The following SUGCT variants were observed in gnomAD, a reference collection of about 807,000 sequenced individuals.
SUGCT encodes succinyl-CoA:glutarate-CoA transferase.
SUGCT carries 41 observed loss-of-function variants against 55.0 expected under a neutral mutation model. The ratio of observed to expected loss-of-function variants is 0.74; its 90% CI spans 0.58 to 0.97. SUGCT has a LOEUF of 0.97. Ranked by LOEUF, SUGCT falls within the 50% of genes least tolerant of loss-of-function variation. The pLI is 0.00. For synonymous variants in SUGCT, 187 were observed against 200.4 expected (o/e 0.93, Z 0.56); for missense variants, 568 against 547.8 (o/e 1.04, Z -0.37).
At chr7:40,644,456 T>G (rs535925408) in intron 12 of SUGCT, among the ~76,000 whole-genome samples, 5 of 152,240 alleles carry the variant, frequency 3.3e-5, no homozygotes, top group Admixed American at 1.3e-4. Flanking sequence ...CATTTCAGCT[T>G]TGATTCACAA....
intron 12 of SUGCT, among the ~76,000 whole-genome samples, chr7:40,693,158 C>T (rs1784771338): frequency 6.6e-6 from 1 of 152,142 alleles, no homozygotes; most frequent in Admixed American, 6.6e-5. Flanking sequence ...ACAGTCATTT[C>T]CCCCAGTACA....
the SUGCT span, among the ~76,000 whole-genome samples, chr7:40,940,773 C>A: frequency 1.3e-5 from 2 of 151,858 alleles, no homozygotes; most frequent in Non-Finnish European, 2.9e-5. Flanking sequence ...AATCTAGGGT[C>A]TTTTGGAGGA....
chr7:40,945,220 G>A, the SUGCT span, among the ~76,000 whole-genome samples: 1 of 152,008 alleles, frequency 6.6e-6, no homozygotes, highest in Non-Finnish European at 1.5e-5. Context: ...GTCTTTTTAG[G>A]GGGAAAGGAA....
intron 1 of SUGCT, 100 bp downstream of exon 1, chr7:40,135,220 T>A: frequency 3.0e-6 from 4 of 1,348,416 alleles, no homozygotes; most frequent in Non-Finnish European, 3.0e-6. Flanking sequence ...AAGTCTCTGC[T>A]GACCCCTTAG....
intron 12 of SUGCT, among the ~76,000 whole-genome samples, chr7:40,644,961 A>G (rs1222359038): frequency 1.3e-5 from 2 of 152,120 alleles, no homozygotes; most frequent in African/African-American, 4.8e-5. Context: ...GGTGTTCTCC[A>G]GTGCTTACAG....
intron 11 of SUGCT, among the ~76,000 whole-genome samples, chr7:40,479,028 T>C (rs546762259): frequency 6.6e-6 from 1 of 152,216 alleles, no homozygotes; most frequent in East Asian, 1.9e-4. Flanking sequence ...TTATTTTTTA[T>C]GACTGAATGA....
chr7:41,003,213 T>G, the SUGCT span, among the ~76,000 whole-genome samples: 1 of 152,158 alleles, frequency 6.6e-6, no homozygotes, highest in Non-Finnish European at 1.5e-5. Context: ...TGCTGAGAAC[T>G]GTGTTGCCAT....
chr7:40,300,458 G>T (rs566328608), intron 8 of SUGCT, among the ~76,000 whole-genome samples: 16 of 152,300 alleles, frequency 1.1e-4, no homozygotes, highest in Middle Eastern at 3.4e-3. Flanking sequence ...CTAAGATAAC[G>T]ATCATTGTTG....
intron 12 of SUGCT, among the ~76,000 whole-genome samples, chr7:40,743,558 C>T (rs1451974225): frequency 6.6e-6 from 1 of 152,184 alleles, no homozygotes; most frequent in Non-Finnish European, 1.5e-5. Flanking sequence ...AGGCAGTAAG[C>T]TTCTTGAGGG....
chr7:40,979,171 C>A, the SUGCT span, among the ~76,000 whole-genome samples: 1 of 152,024 alleles, frequency 6.6e-6, no homozygotes, highest in Non-Finnish European at 1.5e-5. Context: ...ACTTAGTTTC[C>A]CCCTTAGCAT....
At chr7:40,213,622 C>A (rs997201077) in intron 6 of SUGCT, among the ~76,000 whole-genome samples, 1 of 152,182 alleles carries the variant, frequency 6.6e-6, no homozygotes, top group African/African-American at 2.4e-5. Flanking sequence ...GGGAATGAAG[C>A]TTCACCTCCT....
In SUGCT at chr7:40,206,805, C is replaced by T. The variant is rs73314823; in HGVS notation, c.484+11745C>T. On this transcript the variant is annotated intron_variant, in intron 6 of 13. Transcript: ENST00000335693. ...GAAAAGAAAATGTACATCTTCAGCACGGATGCAAGTTTTTTCCTAATATTT... is the reference window on the plus strand; with the variant it reads ...GAAAAGAAAATGTACATCTTCAGCATGGATGCAAGTTTTTTCCTAATATTT... 6.3e-3 allele frequency among the ~76,000 whole-genome samples: 965 copies of T among 152,254 alleles called. 8 individuals carry two copies. The highest frequency in any genetic ancestry group is 0.019 in the African/African-American group (810 of 41,554).
At chr7:40,991,449 C>G in the SUGCT span, among the ~76,000 whole-genome samples, 426 of 152,160 alleles carry the variant, frequency 2.8e-3, 2 homozygotes, top group African/African-American at 0.01. Context: ...CACAGAGACA[C>G]GAAGTGAGTG....
At chr7:40,813,073 G>A (rs185371432) in intron 13 of SUGCT, among the ~76,000 whole-genome samples, 2 of 152,228 alleles carry the variant, frequency 1.3e-5, no homozygotes, top group East Asian at 3.9e-4. Context: ...GTCCCAGAGT[G>A]TGGTTGGTTT....
At chr7:40,226,498 C>G (rs1788364138) in intron 6 of SUGCT, among the ~76,000 whole-genome samples, 1 of 151,940 alleles carries the variant, frequency 6.6e-6, no homozygotes, top group Non-Finnish European at 1.5e-5. Context: ...ACCAAAAACG[C>G]TAGAGAACTG....
intron 12 of SUGCT, among the ~76,000 whole-genome samples, chr7:40,575,099 G>T (rs1416029319): frequency 6.9e-6 from 1 of 144,822 alleles, no homozygotes; most frequent in Non-Finnish European, 1.5e-5. Context: ...ATAGAAGCAG[G>T]ATGGTGGGCA....
chr7:40,335,234 A>G (rs187717707), intron 9 of SUGCT, among the ~76,000 whole-genome samples: 2,314 of 152,308 alleles, frequency 0.015, 49 homozygotes, highest in South Asian at 0.06. Flanking sequence ...TTGGCAATGC[A>G]GGCCCTTTTT....
intron 12 of SUGCT, among the ~76,000 whole-genome samples, chr7:40,715,503 AC>A (rs1461346847): frequency 6.6e-6 from 1 of 152,044 alleles, no homozygotes; most frequent in African/African-American, 2.4e-5. Flanking sequence ...AAACAAACAA[AC>A]AAAAGAGCTC....
intron 9 of SUGCT, among the ~76,000 whole-genome samples, chr7:40,321,192 C>T (rs1185866992): frequency 2.0e-5 from 3 of 150,094 alleles, no homozygotes; most frequent in Admixed American, 6.7e-5. Flanking sequence ...TCTCCCCCCT[C>T]GGCCTCCTGA....
Sources: allele counts gnomAD v4.1 joint callset (sites outside exome capture counted in the v4.1 genomes callset), GRCh38; gene constraint gnomAD v4.1.1; transcripts MANE v1.5; gene names NCBI Gene and HGNC (gene_info 2026-07-23, HGNC 2026-07-21).